PDS5B: variants seen among roughly 807,000 people sequenced by gnomAD.
PDS5B encodes PDS5 cohesin associated factor B.
In PDS5B, 51 loss-of-function variants were observed where a neutral mutation model predicts 184.1. The ratio of observed to expected loss-of-function variants is 0.28; its 90% confidence interval spans 0.22 to 0.35. The LOEUF (loss-of-function observed/expected upper bound fraction) is 0.35, where lower values mean the gene tolerates loss of function less well. Among genes scored for constraint, PDS5B ranks in the 10% least tolerant of loss-of-function variants. The pLI, the probability that PDS5B is intolerant of heterozygous loss-of-function variation, is 1.00. For missense variants in PDS5B, 1,180 were observed against 1,723.3 expected (o/e 0.68, Z 5.58); for synonymous variants, 566 against 569.2 (o/e 0.99, Z 0.08).
At chr13:32,615,990 A>G (rs965677452) in intron 1 of PDS5B, among the ~76,000 whole-genome samples, 13 of 151,802 alleles carry the variant, frequency 8.6e-5, no homozygotes, top group African/African-American at 3.1e-4. Flanking sequence ...AAACATAGCT[A>G]TATGTTGGGT....
At chr13:32,727,306 C>G (rs1952938988) in intron 19 of PDS5B, among the ~76,000 whole-genome samples, 1 of 152,070 alleles carries the variant, frequency 6.6e-6, no homozygotes, top group South Asian at 2.1e-4. Context: ...ATGTTATAAG[C>G]TCCATAATAT....
At chr13:32,755,795 CT>C in intron 25 of PDS5B, 46 bp from the exon 26 acceptor site, 3 of 938,686 alleles carry the variant, frequency 3.2e-6, no homozygotes, top group Non-Finnish European at 4.8e-6. Context: ...TTGTTTTTTG[CT>C]TTTTCTTTTG....
At chr13:32,749,931 A>G (rs1009633306) in intron 24 of PDS5B, among the ~76,000 whole-genome samples, 1 of 152,116 alleles carries the variant, frequency 6.6e-6, no homozygotes, top group Non-Finnish European at 1.5e-5. Context: ...CATTTTTTTC[A>G]GATAAAATTG....
chr13:32,676,932 C>CAAAAAAAAAAAAAAA (rs4057303), intron 9 of PDS5B, among the ~76,000 whole-genome samples: 24 of 78,820 alleles, frequency 3.0e-4, no homozygotes, highest in African/African-American at 1.2e-3. Context: ...CTCTTGTCTC[C>CAAAAAAAAAAAAAAA]AAAAAAAAAA....
intron 1 of PDS5B, among the ~76,000 whole-genome samples, chr13:32,592,171 T>C (rs2057786167): frequency 6.6e-6 from 1 of 152,212 alleles, no homozygotes; most frequent in Admixed American, 6.5e-5. Context: ...TACTGTCATT[T>C]GGTTTTCTCC....
chr13:32,721,470 C>G (rs1228380336), intron 19 of PDS5B, among the ~76,000 whole-genome samples: 1 of 151,152 alleles, frequency 6.6e-6, no homozygotes, highest in Non-Finnish European at 1.5e-5. Context: ...CAGAGGTGCT[C>G]CTCAGTTTCC....
chr13:32,600,163 A>G (rs1337337013), intron 1 of PDS5B, among the ~76,000 whole-genome samples: 1 of 151,882 alleles, frequency 6.6e-6, no homozygotes, highest in Non-Finnish European at 1.5e-5. Flanking sequence ...TTGTGACCAT[A>G]TTTTTCTTTT....
intron 20 of PDS5B, 33 bp from the exon 21 acceptor site, chr13:32,735,139 A>G (rs1953285647): frequency 1.4e-6 from 2 of 1,400,764 alleles, no homozygotes; most frequent in Admixed American, 4.4e-5. Context: ...ATATGTGTAG[A>G]GTTGAAATAT....
At chr13:32,749,920 A>G (rs2140990985) in intron 24 of PDS5B, among the ~76,000 whole-genome samples, 1 of 152,270 alleles carries the variant, frequency 6.6e-6, no homozygotes, top group Non-Finnish European at 1.5e-5. Context: ...TTTTGAGGGT[A>G]CATTTTTTTC....
intron 19 of PDS5B, among the ~76,000 whole-genome samples, chr13:32,721,284 A>G (rs1952675550): frequency 6.7e-6 from 1 of 149,848 alleles, no homozygotes; most frequent in Non-Finnish European, 1.5e-5. Context: ...CCCACCTCCC[A>G]GACGGGGTGG....
At chr13:32,726,104 A>G (rs1450439856) in intron 19 of PDS5B, among the ~76,000 whole-genome samples, 6 of 151,354 alleles carry the variant, frequency 4.0e-5, no homozygotes, top group Non-Finnish European at 7.4e-5. Context: ...AGGAAGTCCA[A>G]TCCTCAATCC....
Position 32,756,461 on chromosome 13 carries a change from T to C in PDS5B, c.3056+505T>C, listed in dbSNP as rs567818606. 2.1e-3 allele frequency among the ~76,000 whole-genome samples: 327 copies of C among 152,326 alleles called. 3 individuals carry two copies. Among genetic ancestry groups the C allele is most frequent in the Non-Finnish European group, 3.9e-3 (267 of 68,026 alleles). The stretch of plus-strand genomic sequence containing the variant: ...GATTCTCTAACTAGAGTTTAAAATA[T>C]TTGTAATTCTTTCAAAGATTATTGC... On this transcript the variant is annotated intron_variant, in intron 26 of 34. Coordinates refer to ENST00000315596, the MANE Select transcript of PDS5B (RefSeq NM_015032.4).
At chr13:32,701,214 T>A in intron 16 of PDS5B, 109 bp from the exon 17 acceptor site, 2 of 583,706 alleles carry the variant, frequency 3.4e-6, no homozygotes, top group South Asian at 4.5e-5. Flanking sequence ...ACAGTTTGTT[T>A]ATTCCAGCGT....
chr13:32,710,830 GAGA>G (rs1460374949), intron 19 of PDS5B, among the ~76,000 whole-genome samples: 1 of 152,140 alleles, frequency 6.6e-6, no homozygotes, highest in East Asian at 1.9e-4. Flanking sequence ...CTTTTATATG[GAGA>G]AGAATTGCCT....
Position 32,701,986 on chromosome 13 carries a change from T to G in PDS5B, c.1856+548T>G, listed in dbSNP as rs140417842. Among the ~76,000 whole-genome samples the G allele has an allele frequency of 2.0e-5, 3 of 152,228 alleles. No individual in the cohort carries two copies. The East Asian group carries it at 5.8e-4, about 29-fold the overall frequency. ...TTCTTTTTATCTCTGCATTCCCTTT[T>G]GTGAAATGTGGGAAGAGGTGTTTTT... is the stretch of plus-strand genomic sequence containing the variant. On this transcript the variant is annotated intron_variant, in intron 17 of 34. Transcript: ENST00000315596.
chr13:32,659,175 C>G lies in PDS5B; in HGVS notation c.519C>G (p.Val173=), dbSNP rs748192679. ...SVINNGHNQK[V]HMHMVDLMSS... ...GCAGCAATGGCCACAATCAGAAAGT[C>G]CATATGCACATGGTAGACCTTATGA... The change falls in exon 6 of 35, where the codon GTC becomes GTG. Residue 173 remains valine (V), a synonymous_variant. Transcript: ENST00000315596. 14 of 1,580,554 alleles carry G rather than the reference C, an allele frequency of 8.9e-6. No homozygotes were observed. The South Asian group carries it at 1.7e-4, about 19-fold the overall frequency.
intron 10 of PDS5B, among the ~76,000 whole-genome samples, chr13:32,683,236 T>A (rs959909899): frequency 1.3e-5 from 2 of 151,806 alleles, no homozygotes; most frequent in African/African-American, 2.4e-5. Context: ...GCTGGTCTCC[T>A]GGCCTCAAGT....
At chr13:32,605,491 A>G (rs1018019115) in intron 1 of PDS5B, among the ~76,000 whole-genome samples, 3 of 152,168 alleles carry the variant, frequency 2.0e-5, no homozygotes, top group Non-Finnish European at 4.4e-5. Context: ...TTTACTTCCA[A>G]CTATGTGGTC....
At chr13:32,658,988 CT>C (rs1187550379) in intron 5 of PDS5B, among the ~76,000 whole-genome samples, 165 bp from the exon 6 acceptor site, 8 of 152,038 alleles carry the variant, frequency 5.3e-5, no homozygotes, top group Non-Finnish European at 8.8e-5. Flanking sequence ...AATTTGTATA[CT>C]TTTGTATGAT....
Sources: gnomAD v4.1 joint callset for allele counts (sites outside exome capture counted in the v4.1 genomes callset) on GRCh38, gnomAD v4.1.1 for gene constraint, MANE v1.5 for transcripts, NCBI Gene and HGNC (gene_info 2026-07-23, HGNC 2026-07-21) for gene names.